The following DAPK1 variants were observed in gnomAD, a reference collection of about 807,000 sequenced individuals.
The protein encoded by DAPK1 is death associated protein kinase 1.
DAPK1 carries 56 observed loss-of-function variants against 144.9 expected under a neutral mutation model. The ratio of observed to expected loss-of-function variants is 0.39; its 90% CI spans 0.31 to 0.48. DAPK1 has a LOEUF of 0.48. DAPK1 is among the 20% of genes least tolerant of loss of function. The probability of loss-of-function intolerance (pLI) is 0.95; values close to 1 mark genes in which losing one functional copy is unlikely to be tolerated. For synonymous variants in DAPK1, 690 were observed against 749.0 expected, an observed-to-expected ratio of 0.92 and a Z score of 1.29; for missense variants, 1,454 against 1,875.4, an observed-to-expected ratio of 0.78 and a Z score of 4.15.
intron 3 of DAPK1, among the ~76,000 whole-genome samples, chr9:87,619,808 G>C (rs1255432372): frequency 2.0e-5 from 3 of 152,180 alleles, no homozygotes; most frequent in Non-Finnish European, 4.4e-5. Flanking sequence ...GCGGTTGAAA[G>C]TAATGCTGCT....
intron 2 of DAPK1, among the ~76,000 whole-genome samples, chr9:87,576,544 C>T (rs1827568800): frequency 6.6e-6 from 1 of 151,744 alleles, no homozygotes; most frequent in Non-Finnish European, 1.5e-5. Context: ...CTGTGTTTCT[C>T]TGGATCTTGT....
At chr9:87,647,152 T>C (rs945214684) in intron 13 of DAPK1, among the ~76,000 whole-genome samples, 153 bp from the exon 14 acceptor site, 5 of 152,132 alleles carry the variant, frequency 3.3e-5, no homozygotes, top group African/African-American at 1.2e-4. Flanking sequence ...TTGTCAAAGG[T>C]GTAAAATAGA....
intron 2 of DAPK1, among the ~76,000 whole-genome samples, chr9:87,538,642 A>T (rs1255957546): frequency 6.6e-6 from 1 of 152,194 alleles, no homozygotes; most frequent in East Asian, 1.9e-4. Flanking sequence ...TATTGATGGG[A>T]ATGACTTTCT....
At chr9:87,560,847 G>A (rs561923711) in intron 2 of DAPK1, among the ~76,000 whole-genome samples, 10 of 152,038 alleles carry the variant, frequency 6.6e-5, no homozygotes, top group African/African-American at 1.7e-4. Flanking sequence ...TGTATTTTTA[G>A]TAGAGACGGA....
At chr9:87,589,411 T>C (rs1828049355) in intron 2 of DAPK1, among the ~76,000 whole-genome samples, 1 of 152,150 alleles carries the variant, frequency 6.6e-6, no homozygotes, top group South Asian at 2.1e-4. Context: ...AATCAGCATC[T>C]TTCCCACTAA....
intron 2 of DAPK1, among the ~76,000 whole-genome samples, chr9:87,599,804 TAGG>T (rs1489622102): frequency 2.6e-5 from 4 of 152,238 alleles, no homozygotes; most frequent in Non-Finnish European, 5.9e-5. Flanking sequence ...CCATTGCTCT[TAGG>T]AGAAATCCAG....
At chr9:87,632,448 G>T in intron 3 of DAPK1, 1 of 982,654 alleles carries the variant, frequency 1.0e-6, no homozygotes, top group Non-Finnish European at 1.2e-6. Context: ...AAGGATGAAG[G>T]AGGATGAGTA....
intron 2 of DAPK1, among the ~76,000 whole-genome samples, chr9:87,514,651 A>C (rs1824978062): frequency 6.6e-6 from 1 of 152,360 alleles, no homozygotes; most frequent in African/African-American, 2.4e-5. Flanking sequence ...GAGGGTTCGC[A>C]TTAATTGTTG....
At chr9:87,536,048 A>G (rs895890598) in intron 2 of DAPK1, among the ~76,000 whole-genome samples, 1 of 152,190 alleles carries the variant, frequency 6.6e-6, no homozygotes, top group Non-Finnish European at 1.5e-5. Context: ...CCCAAGTGAA[A>G]TGGGGCTTGC....
intron 2 of DAPK1, among the ~76,000 whole-genome samples, chr9:87,543,966 A>G (rs78445378): frequency 0.12 from 18,147 of 152,184 alleles, 1,391 homozygotes; most frequent in Admixed American, 0.16. Context: ...AAAGGTAGAA[A>G]TTGTAAATAT....
intron 2 of DAPK1, among the ~76,000 whole-genome samples, chr9:87,514,173 G>T (rs992821067): frequency 1.3e-5 from 2 of 151,954 alleles, no homozygotes; most frequent in African/African-American, 4.8e-5. Context: ...GGAAGGAGGA[G>T]CCTGCACCTA....
rs746389068 is a variant in DAPK1 at position 87,651,527 on chromosome 9, G to A, written c.1627G>A (p.Asp543Asn). 7.4e-6 allele frequency: 12 copies of A among 1,614,032 alleles called. No individual in the cohort carries two copies. The East Asian group carries it at 1.8e-4, about 24-fold the overall frequency. ...HGADLNACDKDGHIALHLAVR... is the reference protein window; with the variant it reads ...HGADLNACDKNGHIALHLAVR... ...CATGATCTCTGGGGTTTGTTTCCAG[G>A]ACGGACACATTGCCCTTCATCTGGC... The change falls in exon 17 of 26, where the codon GAC becomes AAC. Residue 543 changes from aspartate (D) to asparagine (N), a missense_variant and splice_region_variant. Around this residue, in one of 2 missense-constraint regions of DAPK1, gnomAD observed 1,025 missense variants for 1,237.9 expected, o/e 0.83. Coordinates refer to ENST00000408954, the MANE Select transcript of DAPK1 (RefSeq NM_004938.4).
At chr9:87,515,207 G>A (rs1825003578) in intron 2 of DAPK1, among the ~76,000 whole-genome samples, 1 of 152,100 alleles carries the variant, frequency 6.6e-6, no homozygotes. Flanking sequence ...TAAGCTTCGT[G>A]GGCCACATGG....
At position 87,547,898 on chromosome 9, in the gene DAPK1, C is replaced by T. The variant is rs530239441; in HGVS notation, c.62+48759C>T. ...CCTGGTAAATGCACCTTCACGGAAA[C>T]ATCTAGAATAATGTTTGGCCACATA... On this transcript the variant is annotated intron_variant, in intron 2 of 25. Coordinates refer to ENST00000408954, the MANE Select transcript of DAPK1 (RefSeq NM_004938.4). Among the ~76,000 whole-genome samples the T allele has an allele frequency of 7.7e-4, 117 of 152,298 alleles. 1 individual carries two copies. The highest frequency in any genetic ancestry group is 7.6e-4 in the Non-Finnish European group (52 of 68,034).
intron 17 of DAPK1, among the ~76,000 whole-genome samples, chr9:87,653,262 A>G (rs571909836): frequency 2.8e-4 from 43 of 151,896 alleles, no homozygotes; most frequent in African/African-American, 1.0e-3. Context: ...CATCCCCCCA[A>G]TCCTGGGTCC....
chr9:87,658,111 T>C lies in DAPK1; in HGVS notation c.1907T>C (p.Val636Ala). 6.8e-7 allele frequency: 1 copy of C among 1,459,906 alleles called. No individual in the cohort carries two copies. Among genetic ancestry groups the C allele is most frequent in the Admixed American group, 1.7e-5 (1 of 59,418 alleles). 90.4% of individuals were successfully genotyped at this position (1,459,906 alleles called of 1,614,324 possible). The change falls in exon 18 of 26, where the codon GTT becomes GCT. Residue 636 changes from valine to alanine, a missense_variant. Transcript: ENST00000408954. Reference protein sequence around the residue: ...VRYLCLMGASVEALTTDGKTA... With the variant: ...VRYLCLMGASAEALTTDGKTA... ...TATCTCTGTCTGATGGGAGCCAGCG[T>C]TGAGGCGCTGACCACGGTGAGTGCC...
chr9:87,669,782 G>A (rs1831193350), intron 19 of DAPK1, among the ~76,000 whole-genome samples: 1 of 151,864 alleles, frequency 6.6e-6, no homozygotes, highest in Non-Finnish European at 1.5e-5. Context: ...GCCACAGATT[G>A]GGATAATTTC....
At chr9:87,690,416 G>A (rs76052663) in intron 21 of DAPK1, among the ~76,000 whole-genome samples, 8,525 of 152,010 alleles carry the variant, frequency 0.056, 622 homozygotes, top group African/African-American at 0.15. Flanking sequence ...TTTTTTGGTG[G>A]AGTCTTTAGG....
At chr9:87,693,608 C>T (rs540231091) in intron 21 of DAPK1, among the ~76,000 whole-genome samples, 32 of 152,108 alleles carry the variant, frequency 2.1e-4, no homozygotes, top group South Asian at 4.1e-4. Context: ...TGTGCTCTTT[C>T]GGAGGTGCAA....
Sources: allele counts gnomAD v4.1 joint callset (sites outside exome capture counted in the v4.1 genomes callset), GRCh38; gene constraint gnomAD v4.1.1; regional missense constraint gnomAD v4.1.1; transcripts MANE v1.5; gene names NCBI Gene and HGNC (gene_info 2026-07-23, HGNC 2026-07-21).